Variants in NDST1 observed in about 807,000 individuals in gnomAD.
NDST1 encodes bifunctional heparan sulfate N-deacetylase/N-sulfotransferase 1.
NDST1 carries 35 observed loss-of-function variants against 92.8 expected under a neutral mutation model. The observed-to-expected ratio is 0.38, with a 90% CI of 0.29 to 0.50. The LOEUF is 0.50. Ranked by LOEUF, NDST1 falls within the 20% of genes least tolerant of loss-of-function variation. NDST1 has a pLI of 0.94. For synonymous variants in NDST1, 493 were observed against 500.3 expected, an observed-to-expected ratio of 0.99 and a Z score of 0.19; for missense variants, 822 against 1,182.7, an observed-to-expected ratio of 0.69 and a Z score of 4.47.
chr5:150,535,170 A>G (rs1284044340), intron 5 of NDST1, 149 bp downstream of exon 5: 6 of 1,319,968 alleles, frequency 4.5e-6, no homozygotes, highest in East Asian at 5.1e-5. Flanking sequence ...CTGCCTTTAT[A>G]GCCACTGTCT....
intron 2 of NDST1, among the ~76,000 whole-genome samples, chr5:150,522,120 C>T (rs1007181820): frequency 1.6e-4 from 24 of 152,130 alleles, no homozygotes; most frequent in African/African-American, 5.8e-4. Context: ...GGCGTGTGCA[C>T]CCATTTTTCA....
rs1261074199 is a variant in NDST1, at chr5:150,545,448, C to T, written c.2107C>T (p.Leu703Phe). The change falls in exon 11 of 15, where the codon CTC (leucine) becomes TTC (phenylalanine). Residue 703 changes from leucine to phenylalanine, a missense_variant. Physicochemically the swap from Leu to Phe is conservative, Grantham distance 22. Transcript: ENST00000261797. ...GCCCAAAGCCAAGGTCCTGACCATC[C>T]TCATCAACCCCGCGGACCGGGCCTA... ...LLPKAKVLTI[L>F]INPADRAYSW... 3.7e-6 allele frequency: 6 copies of T among 1,614,130 alleles called. No homozygotes were observed. Among genetic ancestry groups the T allele is most frequent in the Non-Finnish European group, 5.1e-6 (6 of 1,180,052 alleles).
At chr5:150,551,062 AT>A (rs1434143158) in intron 13 of NDST1, among the ~76,000 whole-genome samples, 1 of 152,186 alleles carries the variant, frequency 6.6e-6, no homozygotes, top group Non-Finnish European at 1.5e-5. Flanking sequence ...ATTCATGGGA[AT>A]TCTGTTTTCT....
chr5:150,519,952 G>C (rs1754166292), intron 1 of NDST1, among the ~76,000 whole-genome samples: 1 of 152,130 alleles, frequency 6.6e-6, no homozygotes, highest in Non-Finnish European at 1.5e-5. Context: ...ATGGCTGCCT[G>C]GGTGGACAGA....
At chr5:150,538,041 A>G (rs180969978) in intron 6 of NDST1, among the ~76,000 whole-genome samples, 141 of 152,314 alleles carry the variant, frequency 9.3e-4, no homozygotes, top group African/African-American at 3.2e-3. Flanking sequence ...CTGGCAAGAG[A>G]AGCTGGTTTA....
upstream of NDST1, among the ~76,000 whole-genome samples, chr5:150,505,354 G>C (rs1284526029): frequency 6.6e-6 from 1 of 152,208 alleles, no homozygotes; most frequent in East Asian, 1.9e-4. Context: ...CCCAGCCCTG[G>C]TGGGTTTTCT....
rs199963962 is a variant in NDST1 at position 150,527,789 on chromosome 5, C to G, written c.514-15C>G. ...TGACAGTTCTGTTCCCCTTCCTGCC[C>G]TCCATTGACTGCAGGCCAATGAGAA... On this transcript the variant is annotated splice_polypyrimidine_tract_variant and intron_variant, in intron 2 of 14. Coordinates refer to ENST00000261797, the MANE Select transcript of NDST1 (RefSeq NM_001543.5). 3.5e-4 allele frequency: 563 copies of G among 1,612,928 alleles called. 1 individual carries two copies. The highest frequency in any genetic ancestry group is 2.9e-4 in the Non-Finnish European group (343 of 1,180,028).
At chr5:150,509,910 A>G (rs950859966) in intron 1 of NDST1, among the ~76,000 whole-genome samples, 2 of 152,178 alleles carry the variant, frequency 1.3e-5, no homozygotes, top group African/African-American at 4.8e-5. Flanking sequence ...TCTGCAGTGC[A>G]GGCTTTCCCA....
chr5:150,515,938 T>C lies in NDST1; in HGVS notation c.-387-4930T>C, dbSNP rs541139634. 2.0e-5 allele frequency among the ~76,000 whole-genome samples: 3 copies of C among 152,270 alleles called. No individual in the cohort carries two copies. The South Asian group carries it at 6.2e-4, about 32-fold the overall frequency. ...CCAGCCGGCTGAGTGGCTGGCACTTTGCTACAAAGCAACTGGCTTCCCCCC... is the reference window on the plus strand; with the variant it reads ...CCAGCCGGCTGAGTGGCTGGCACTTCGCTACAAAGCAACTGGCTTCCCCCC... On this transcript the variant is annotated intron_variant, in intron 1 of 14. Transcript: ENST00000261797.
intron 2 of NDST1, among the ~76,000 whole-genome samples, chr5:150,522,940 C>T (rs1754306830): frequency 6.6e-6 from 1 of 152,208 alleles, no homozygotes; most frequent in Non-Finnish European, 1.5e-5. Context: ...TGGTGTGAGC[C>T]AGGAGAGGAG....
intron 1 of NDST1, among the ~76,000 whole-genome samples, chr5:150,513,418 A>C (rs1209308377): frequency 6.6e-6 from 1 of 152,162 alleles, no homozygotes; most frequent in Non-Finnish European, 1.5e-5. Context: ...TCGAAGCTTG[A>C]ACCCAGGAGG....
In NDST1 at chr5:150,537,198, G is replaced by A. The variant is rs570584013; in HGVS notation, c.1437+1313G>A. 2.0e-5 allele frequency among the ~76,000 whole-genome samples: 3 copies of A among 152,278 alleles called. No homozygotes were observed. The South Asian group carries it at 6.2e-4, about 32-fold the overall frequency. On this transcript the variant is annotated intron_variant, in intron 6 of 14. Transcript: ENST00000261797. Reference sequence around the variant, plus strand: ...GGACCCTGTGATGATTGTGTTAACTGCACAAATTGTTTAAACAATATGAAA... The same window carrying A: ...GGACCCTGTGATGATTGTGTTAACTACACAAATTGTTTAAACAATATGAAA...
intron 10 of NDST1, 151 bp from the exon 11 acceptor site, chr5:150,545,161 C>A: frequency 1.2e-6 from 1 of 859,498 alleles, no homozygotes. Flanking sequence ...CCAGAATCCC[C>A]ACTGGAGGCA....
At chr5:150,508,868 A>T (rs1271844708) in intron 1 of NDST1, among the ~76,000 whole-genome samples, 1 of 152,126 alleles carries the variant, frequency 6.6e-6, no homozygotes. Context: ...AAGGTCACAG[A>T]CTTCTCCTCT....
chr5:150,542,900 C>T lies in NDST1; in HGVS notation c.1899C>T (p.Asn633=). The T allele has an allele frequency of 6.2e-7, 1 of 1,614,214 alleles. No homozygotes were observed. The highest frequency in any genetic ancestry group is 8.5e-7 in the Non-Finnish European group (1 of 1,180,030). The change falls in exon 10 of 15, where the codon AAC becomes AAT. Residue 633 remains asparagine, a synonymous_variant. Coordinates refer to ENST00000261797, the MANE Select transcript of NDST1 (RefSeq NM_001543.5). ...GCATGCACCCTGACCTAAGCAGCAA[C>T]TACCCCAGCTCTGAGACCTTTGAGG... ...FLGMHPDLSS[N]YPSSETFEEI...
At chr5:150,524,505 A>T (rs1754381605) in intron 2 of NDST1, among the ~76,000 whole-genome samples, 1 of 152,252 alleles carries the variant, frequency 6.6e-6, no homozygotes, top group Non-Finnish European at 1.5e-5. Context: ...GGGTCTGGCA[A>T]GGAGTACCTG....
intron 1 of NDST1, among the ~76,000 whole-genome samples, chr5:150,512,203 T>A (rs1753757268): frequency 6.6e-6 from 1 of 152,096 alleles, no homozygotes. Flanking sequence ...ATGCCTATGA[T>A]GATGCCATTT....
intron 1 of NDST1, among the ~76,000 whole-genome samples, chr5:150,515,655 G>C (rs891246130): frequency 6.6e-6 from 1 of 152,172 alleles, no homozygotes; most frequent in Non-Finnish European, 1.5e-5. Context: ...TTGGTGACTG[G>C]CTGGGTGAGG....
At position 150,539,217 on chromosome 5, in the gene NDST1, C is replaced by A; in HGVS notation, c.1438-11C>A. On this transcript the variant is annotated splice_polypyrimidine_tract_variant and intron_variant, in intron 6 of 14. Transcript: ENST00000261797. Reference sequence around the variant, plus strand: ...AGGCACCATAGCTCCTCTCCCCCACCCCCTCCTCAGGTTCTCCCACGGCAG... The same window carrying A: ...AGGCACCATAGCTCCTCTCCCCCACACCCTCCTCAGGTTCTCCCACGGCAG... The A allele has an allele frequency of 6.2e-7, 1 of 1,611,204 alleles. No individual in the cohort carries two copies. Among genetic ancestry groups the A allele is most frequent in the Non-Finnish European group, 8.5e-7 (1 of 1,177,378 alleles).
Sources: allele counts gnomAD v4.1 joint callset (sites outside exome capture counted in the v4.1 genomes callset), GRCh38; gene constraint gnomAD v4.1.1; transcripts MANE v1.5; gene names NCBI Gene and HGNC (gene_info 2026-07-23, HGNC 2026-07-21).